AUTS2: variants seen among roughly 807,000 people sequenced by gnomAD.
AUTS2 encodes the protein activator of transcription and developmental regulator AUTS2.
Under a neutral mutation model 112.4 loss-of-function variants are expected in AUTS2, and 17 were observed. The observed-to-expected ratio is 0.15, with a 90% confidence interval of 0.10 to 0.23. The LOEUF is 0.23. AUTS2 is among the 10% of genes least tolerant of loss of function. The pLI, the probability that AUTS2 is intolerant of heterozygous loss-of-function variation, is 1.00. For missense variants in AUTS2, 1,510 were observed against 1,701.6 expected, an observed-to-expected ratio of 0.89 and a Z score of 1.98; for synonymous variants, 751 against 702.7, an observed-to-expected ratio of 1.07 and a Z score of -1.09.
chr7:70,411,821 A>G (rs1318050698), intron 4 of AUTS2, among the ~76,000 whole-genome samples: 2 of 152,026 alleles, frequency 1.3e-5, no homozygotes, highest in Non-Finnish European at 2.9e-5. Context: ...AAACTGGGAT[A>G]TGAACGAGGT....
At chr7:70,722,461 T>G (rs2129551502) in intron 6 of AUTS2, among the ~76,000 whole-genome samples, 1 of 152,296 alleles carries the variant, frequency 6.6e-6, no homozygotes, top group Admixed American at 6.5e-5. Context: ...CAAATGAGCT[T>G]TTAGAGCTCT....
intron 4 of AUTS2, among the ~76,000 whole-genome samples, chr7:70,431,922 G>A (rs1011028110): frequency 6.6e-6 from 1 of 152,234 alleles, no homozygotes; most frequent in African/African-American, 2.4e-5. Context: ...GGCCAGGCGT[G>A]CACACGTCCT....
At chr7:69,888,373 G>A (rs1007282728) in intron 1 of AUTS2, among the ~76,000 whole-genome samples, 2 of 150,956 alleles carry the variant, frequency 1.3e-5, no homozygotes, top group Non-Finnish European at 2.9e-5. Flanking sequence ...GAGGATGGGG[G>A]GAGGTACCAG....
intron 5 of AUTS2, among the ~76,000 whole-genome samples, chr7:70,645,985 C>A (rs996170045): frequency 1.3e-5 from 2 of 152,146 alleles, no homozygotes; most frequent in South Asian, 4.1e-4. Flanking sequence ...GTGCGTCTAA[C>A]CCATTTCACA....
At chr7:70,538,532 A>G (rs543022221) in intron 5 of AUTS2, among the ~76,000 whole-genome samples, 2 of 152,338 alleles carry the variant, frequency 1.3e-5, no homozygotes, top group Admixed American at 6.5e-5. Flanking sequence ...TCCGTCTCAA[A>G]AAAAGAAAGA....
intron 1 of AUTS2, among the ~76,000 whole-genome samples, chr7:69,814,184 C>T (rs116584193): frequency 0.013 from 1,942 of 152,258 alleles, 44 homozygotes; most frequent in African/African-American, 0.043. Context: ...ATTTTCTTGG[C>T]ACCACACATT....
intron 2 of AUTS2, among the ~76,000 whole-genome samples, chr7:69,963,607 G>A (rs1377514373): frequency 1.3e-5 from 2 of 152,120 alleles, no homozygotes; most frequent in Non-Finnish European, 2.9e-5. Flanking sequence ...TGACATTGTG[G>A]TTACCTTTTA....
intron 2 of AUTS2, among the ~76,000 whole-genome samples, chr7:69,949,058 T>G (rs1796928776): frequency 1.3e-5 from 2 of 152,178 alleles, no homozygotes; most frequent in South Asian, 2.1e-4. Context: ...CCGCCTGCCT[T>G]GGCCTCCCAA....
chr7:69,686,214 A>G (rs1797056606), intron 1 of AUTS2, among the ~76,000 whole-genome samples: 1 of 152,218 alleles, frequency 6.6e-6, no homozygotes, highest in South Asian at 2.1e-4. Context: ...TATGAACAAC[A>G]GGAGCTGATA....
rs1415218861 is a variant in AUTS2, at chr7:70,425,058, C to G, written c.661-10694C>G. Among the ~76,000 whole-genome samples the G allele has an allele frequency of 3.3e-5, 5 of 152,288 alleles. No individual in the cohort carries two copies. In the East Asian group the frequency reaches 9.7e-4, roughly 29 times the overall value. Reference sequence around the variant, plus strand: ...CCCTGCCATCATGGACACCCCATCTCTCCTTTAGCTTGAGATGGACATTGA... The same window carrying G: ...CCCTGCCATCATGGACACCCCATCTGTCCTTTAGCTTGAGATGGACATTGA... On this transcript the variant is annotated intron_variant, in intron 4 of 18. Coordinates refer to ENST00000342771, the MANE Select transcript of AUTS2 (RefSeq NM_015570.4).
At chr7:70,532,818 C>A (rs1339446913) in intron 5 of AUTS2, among the ~76,000 whole-genome samples, 1 of 152,146 alleles carries the variant, frequency 6.6e-6, no homozygotes, top group African/African-American at 2.4e-5. Flanking sequence ...AAGGGAATGA[C>A]AGGTAGGAAA....
intron 1 of AUTS2, among the ~76,000 whole-genome samples, chr7:69,613,492 C>G (rs769262526): frequency 6.6e-6 from 1 of 152,110 alleles, no homozygotes. Context: ...GATTTTAAAC[C>G]ATTGTCAAAG....
chr7:69,942,369 A>G lies in AUTS2; in HGVS notation c.522+42871A>G, dbSNP rs118121627. ...AGGCTTGGTATGCTACCATTTATGT[A>G]CTTCTGATTTTGTGTTTTGACAGGT... On this transcript the variant is annotated intron_variant, in intron 2 of 18. Coordinates refer to ENST00000342771, the MANE Select transcript of AUTS2 (RefSeq NM_015570.4). 2.3e-3 allele frequency among the ~76,000 whole-genome samples: 345 copies of G among 152,254 alleles called. 2 individuals are homozygous for G. Among genetic ancestry groups the G allele is most frequent in the Non-Finnish European group, 3.5e-3 (240 of 68,004 alleles).
chr7:70,487,323 A>G (rs1585204257), intron 5 of AUTS2, among the ~76,000 whole-genome samples: 1 of 152,192 alleles, frequency 6.6e-6, no homozygotes, highest in Non-Finnish European at 1.5e-5. Context: ...AGAATTTTCA[A>G]GAAGTGTTAA....
At chr7:70,411,037 G>C (rs967072798) in intron 4 of AUTS2, among the ~76,000 whole-genome samples, 3 of 151,810 alleles carry the variant, frequency 2.0e-5, no homozygotes, top group African/African-American at 7.3e-5. Context: ...CTAATTTTTT[G>C]TATTTTTAGT....
At chr7:69,673,516 A>G (rs576213176) in intron 1 of AUTS2, among the ~76,000 whole-genome samples, 7 of 152,306 alleles carry the variant, frequency 4.6e-5, no homozygotes, top group Admixed American at 3.3e-4. Flanking sequence ...GTTCAGGCCT[A>G]TTGCTTCCTT....
intron 15 of AUTS2, chr7:70,783,501 A>G (rs1037799503): frequency 2.0e-5 from 3 of 152,288 alleles, no homozygotes; most frequent in Middle Eastern, 3.4e-3. Flanking sequence ...CGTTTAATCC[A>G]TTTTCCTAAG....
chr7:69,870,696 A>G (rs1793457796), intron 1 of AUTS2, among the ~76,000 whole-genome samples: 1 of 152,036 alleles, frequency 6.6e-6, no homozygotes, highest in African/African-American at 2.4e-5. Context: ...TATAAGTTAC[A>G]GGGCCCAGTG....
At chr7:70,161,467 G>T (rs1808074800) in intron 4 of AUTS2, among the ~76,000 whole-genome samples, 1 of 151,276 alleles carries the variant, frequency 6.6e-6, no homozygotes, top group Non-Finnish European at 1.5e-5. Context: ...GTCGCTTTTG[G>T]AGGAACAGGT....
Sources: gnomAD v4.1 joint callset for allele counts (sites outside exome capture counted in the v4.1 genomes callset) on GRCh38, gnomAD v4.1.1 for gene constraint, MANE v1.5 for transcripts, NCBI Gene and HGNC (gene_info 2026-07-23, HGNC 2026-07-21) for gene names.